ATP2C1: variants seen among roughly 807,000 people sequenced by gnomAD.
The protein encoded by ATP2C1 is ATPase secretory pathway Ca2+ transporting 1, also known as calcium-transporting ATPase type 2C member 1.
Under a neutral mutation model 120.5 loss-of-function variants are expected in ATP2C1, and 31 were observed. That is an observed-to-expected ratio of 0.26 (90% CI 0.19 to 0.35). ATP2C1 has a LOEUF of 0.35. Ranked by LOEUF, ATP2C1 falls within the 10% of genes least tolerant of loss-of-function variation. ATP2C1 has a pLI of 1.00. For missense variants in ATP2C1, 731 were observed against 1,107.5 expected (o/e 0.66, Z 4.83); for synonymous variants, 351 against 358.7 (o/e 0.98, Z 0.24).
At chr3:130,906,480 T>C (rs1238786462) in intron 2 of ATP2C1, among the ~76,000 whole-genome samples, 2 of 152,104 alleles carry the variant, frequency 1.3e-5, no homozygotes, top group African/African-American at 4.8e-5. Flanking sequence ...TGAGCATTCA[T>C]GTATGGGTTT....
intron 9 of ATP2C1, 99 bp from the exon 10 acceptor site, chr3:130,954,913 C>T: frequency 2.4e-6 from 2 of 829,996 alleles, no homozygotes; most frequent in Non-Finnish European, 2.1e-6. Flanking sequence ...GACATCTTCA[C>T]TGTAGGTAAG....
intron 1 of ATP2C1, among the ~76,000 whole-genome samples, chr3:130,852,253 C>T (rs1171518360): frequency 6.6e-6 from 1 of 152,130 alleles, no homozygotes; most frequent in African/African-American, 2.4e-5. Flanking sequence ...TTAATGTTCA[C>T]GGGCTTCTTC....
intron 17 of ATP2C1, among the ~76,000 whole-genome samples, chr3:130,972,434 A>G (rs1268840429): frequency 6.6e-6 from 1 of 151,038 alleles, no homozygotes; most frequent in African/African-American, 2.4e-5. Context: ...TAGCTCTGCC[A>G]GTGCTCATGG....
chr3:130,935,349 A>G (rs144221911), intron 5 of ATP2C1, among the ~76,000 whole-genome samples: 1,637 of 152,320 alleles, frequency 0.011, 40 homozygotes, highest in African/African-American at 0.038. Flanking sequence ...TATTCCTTAT[A>G]GTGCATGCTG....
At chr3:130,988,548 C>A (rs1488725747) in intron 20 of ATP2C1, among the ~76,000 whole-genome samples, 2 of 152,128 alleles carry the variant, frequency 1.3e-5, no homozygotes, top group East Asian at 3.8e-4. Context: ...CCCACGGATA[C>A]CCATCTAACT....
At chr3:130,923,946 A>G (rs1412410537) in intron 2 of ATP2C1, among the ~76,000 whole-genome samples, 1 of 144,922 alleles carries the variant, frequency 6.9e-6, no homozygotes, top group Non-Finnish European at 1.5e-5. Context: ...CCATCCCTTT[A>G]TCTTATGTGA....
At chr3:130,898,568 A>C (rs1188979713) in intron 2 of ATP2C1, among the ~76,000 whole-genome samples, 1 of 152,186 alleles carries the variant, frequency 6.6e-6, no homozygotes, top group South Asian at 2.1e-4. Context: ...ACTAAAAGAG[A>C]TTATATATAT....
At chr3:130,903,784 A>G (rs978697685) in intron 2 of ATP2C1, among the ~76,000 whole-genome samples, 1 of 151,172 alleles carries the variant, frequency 6.6e-6, no homozygotes, top group African/African-American at 2.5e-5. Flanking sequence ...TGAAGGCTTT[A>G]AAAAACACTG....
At chr3:130,972,583 A>G (rs2061371096) in intron 17 of ATP2C1, among the ~76,000 whole-genome samples, 1 of 147,860 alleles carries the variant, frequency 6.8e-6, no homozygotes, top group African/African-American at 2.5e-5. Flanking sequence ...TTAACTCATC[A>G]TTTAGCATTA....
At chr3:130,941,265 T>TGTGTGTGTGTGTCTGTGTGTGTGTGC (rs2059902730) in intron 7 of ATP2C1, among the ~76,000 whole-genome samples, 2 of 139,954 alleles carry the variant, frequency 1.4e-5, no homozygotes, top group African/African-American at 5.6e-5. Flanking sequence ...TGTGTGTGTG[T>TGTGTGTGTGTGTCTGTGTGTGTGTGC]CTGTGTGTGT....
At chr3:130,955,450 G>T (rs1437240482) in intron 10 of ATP2C1, among the ~76,000 whole-genome samples, 4 of 152,190 alleles carry the variant, frequency 2.6e-5, no homozygotes, top group Non-Finnish European at 5.9e-5. Context: ...ATAATTCCAA[G>T]TAAGGGTGGC....
chr3:130,956,162 A>G lies in ATP2C1; in HGVS notation c.815A>G (p.Tyr272Cys). 1 of 1,605,874 alleles carries G rather than the reference A, an allele frequency of 6.2e-7. No individual in the cohort carries two copies. The highest frequency in any genetic ancestry group is 8.5e-7 in the Non-Finnish European group (1 of 1,173,134). Residue 272 changes from tyrosine to cysteine, a missense_variant, in exon 11 of 28, where the codon TAC (tyrosine) becomes TGC (cysteine). Physicochemically the swap from Tyr to Cys is radical, Grantham distance 194. Coordinates refer to ENST00000510168, the MANE Select transcript of ATP2C1 (RefSeq NM_001378687.1). ...MDLLGKQLSF[Y>C]SFGIIGIIML... ...CTCTTAGGAAAACAACTTTCCTTTT[A>G]CTCCTTTGGTATAATAGGTAAGAGA... is the stretch of plus-strand genomic sequence containing the variant.
chr3:130,957,920 C>T (rs2060650625), intron 11 of ATP2C1, among the ~76,000 whole-genome samples: 1 of 152,128 alleles, frequency 6.6e-6, no homozygotes, highest in South Asian at 2.1e-4. Context: ...CATCTATCTT[C>T]ATTGTAAACA....
chr3:131,010,142 G>A (rs2063261868), intron 26 of ATP2C1, among the ~76,000 whole-genome samples: 1 of 151,760 alleles, frequency 6.6e-6, no homozygotes, highest in Admixed American at 6.6e-5. Flanking sequence ...GCAGGAAGAG[G>A]AAATTCCTAG....
chr3:130,969,622 C>T (rs935458329), intron 17 of ATP2C1, among the ~76,000 whole-genome samples: 7 of 152,164 alleles, frequency 4.6e-5, no homozygotes, highest in Non-Finnish European at 1.5e-5. Flanking sequence ...GCTGTGTGAG[C>T]AAACAGCTTA....
intron 1 of ATP2C1, among the ~76,000 whole-genome samples, chr3:130,882,766 T>C (rs900636717): frequency 1.3e-5 from 2 of 152,196 alleles, no homozygotes; most frequent in African/African-American, 2.4e-5. Flanking sequence ...TAGTATTTCA[T>C]TGAGGATTTT....
At chr3:130,893,586 A>C (rs146063857), upstream of ATP2C1, among the ~76,000 whole-genome samples, 17 of 152,328 alleles carry the variant, frequency 1.1e-4, no homozygotes, top group East Asian at 3.3e-3. Flanking sequence ...CGTGGGCCTC[A>C]ACGTTGCCTG....
At chr3:130,940,275 T>C (rs1277804803) in intron 6 of ATP2C1, among the ~76,000 whole-genome samples, 2 of 152,244 alleles carry the variant, frequency 1.3e-5, no homozygotes, top group African/African-American at 4.8e-5. Context: ...CTGTGGTCAT[T>C]AGACACTTAA....
At chr3:130,989,565 CA>C (rs56991562) in intron 20 of ATP2C1, among the ~76,000 whole-genome samples, 76,900 of 114,172 alleles carry the variant, frequency 0.67, 24,478 homozygotes, top group Middle Eastern at 0.71. Context: ...AACTCCATCT[CA>C]AAAAAAAAAA....
Sources: allele counts gnomAD v4.1 joint callset (sites outside exome capture counted in the v4.1 genomes callset), GRCh38; gene constraint gnomAD v4.1.1; transcripts MANE v1.5; gene names NCBI Gene and HGNC (gene_info 2026-07-23, HGNC 2026-07-21).